FIG4: variants seen among roughly 807,000 people sequenced by gnomAD.
The protein encoded by FIG4 is polyphosphoinositide phosphatase.
In FIG4, 112 loss-of-function variants were observed where a neutral mutation model predicts 118.6. The observed-to-expected ratio is 0.94, with a 90% CI of 0.81 to 1.11. The LOEUF (loss-of-function observed/expected upper bound fraction) is 1.11. Ranked by LOEUF, FIG4 falls within the 50% of genes least tolerant of loss-of-function variation. The pLI, the probability that FIG4 is intolerant of heterozygous loss-of-function variation, is 0.00. For missense variants in FIG4, 969 were observed against 1,111.7 expected (o/e 0.87, Z 1.83); for synonymous variants, 369 against 381.2 (o/e 0.97, Z 0.37).
At chr6:109,726,613 A>G (rs543587888) in intron 3 of FIG4, among the ~76,000 whole-genome samples, 3 of 152,072 alleles carry the variant, frequency 2.0e-5, no homozygotes, top group Non-Finnish European at 4.4e-5. Context: ...TTCCATATGA[A>G]ATTTAAAGTA....
chr6:109,770,509 G>A (rs967431442), intron 15 of FIG4, among the ~76,000 whole-genome samples: 8 of 152,060 alleles, frequency 5.3e-5, no homozygotes, highest in Non-Finnish European at 8.8e-5. Flanking sequence ...TTGTTTTTGC[G>A]TTGCTATAAA....
At position 109,725,919 on chromosome 6, in the gene FIG4, A is replaced by G. The variant is rs9480997; in HGVS notation, c.290-1190A>G. On this transcript the variant is annotated intron_variant, in intron 3 of 22. Coordinates refer to ENST00000230124, the MANE Select transcript of FIG4 (RefSeq NM_014845.6). ...CTTCTTTTGAGAAGTGTCTGTTCAT[A>G]TCCTTTGCCCACTTTTTGATGGGGT... 5.6e-3 allele frequency among the ~76,000 whole-genome samples: 859 copies of G among 152,042 alleles called. 9 individuals are homozygous for G. Among genetic ancestry groups the G allele is most frequent in the African/African-American group, 0.02 (829 of 41,480 alleles).
intron 16 of FIG4, among the ~76,000 whole-genome samples, chr6:109,781,295 A>G (rs1163068424): frequency 7.2e-5 from 11 of 152,224 alleles, no homozygotes; most frequent in Admixed American, 6.5e-4. Context: ...GAGTTCATAC[A>G]CTTTCAAAAT....
At chr6:109,755,882 C>G (rs1307562598) in intron 10 of FIG4, among the ~76,000 whole-genome samples, 1 of 152,172 alleles carries the variant, frequency 6.6e-6, no homozygotes, top group Non-Finnish European at 1.5e-5. Context: ...GGTCTTTACT[C>G]TTTATCCAAT....
intron 15 of FIG4, among the ~76,000 whole-genome samples, chr6:109,774,225 C>T (rs1777554096): frequency 6.6e-6 from 1 of 152,212 alleles, no homozygotes; most frequent in Non-Finnish European, 1.5e-5. Context: ...TTTAGGGGAA[C>T]ATGATCCTTC....
At chr6:109,820,840 T>C (rs1221293726) in intron 22 of FIG4, among the ~76,000 whole-genome samples, 2 of 151,764 alleles carry the variant, frequency 1.3e-5, no homozygotes, top group East Asian at 3.9e-4. Flanking sequence ...CCCCCAAATC[T>C]AAAGAGGATG....
At position 109,699,514 on chromosome 6, in the gene FIG4, T is replaced by C. The variant is rs376871984; in HGVS notation, c.66+8013T>C. ...TTTTTGTTTGTTTTTTTTTTGTTTT[T>C]TTTTTTGAGACGGAGTCTTGCTGTG... On this transcript the variant is annotated intron_variant, in intron 1 of 22. Coordinates refer to ENST00000230124, the MANE Select transcript of FIG4 (RefSeq NM_014845.6). Among the ~76,000 whole-genome samples the C allele has an allele frequency of 4.0e-5, 6 of 151,230 alleles. No homozygotes were observed. The East Asian group carries it at 1.2e-3, about 29-fold the overall frequency.
chr6:109,778,808 C>A (rs1266902307), intron 16 of FIG4, among the ~76,000 whole-genome samples: 1 of 152,058 alleles, frequency 6.6e-6, no homozygotes, highest in Non-Finnish European at 1.5e-5. Context: ...ACTGTGTTAG[C>A]TAGGGTGGTC....
At chr6:109,815,367 A>G (rs967765896) in intron 22 of FIG4, among the ~76,000 whole-genome samples, 1 of 151,538 alleles carries the variant, frequency 6.6e-6, no homozygotes, top group African/African-American at 2.4e-5. Flanking sequence ...GGGCTCTGAC[A>G]TACTTCCTCC....
chr6:109,751,918 A>G (rs1776716501), intron 10 of FIG4, among the ~76,000 whole-genome samples: 1 of 148,920 alleles, frequency 6.7e-6, no homozygotes, highest in African/African-American at 2.5e-5. Context: ...TACATGTGCC[A>G]TGCTGGTGTG....
At chr6:109,737,623 T>G (rs954380684) in intron 6 of FIG4, among the ~76,000 whole-genome samples, 2 of 152,186 alleles carry the variant, frequency 1.3e-5, no homozygotes, top group African/African-American at 2.4e-5. Context: ...TAAGCTATTA[T>G]CTTATAAACA....
At chr6:109,776,760 C>T (rs1445722071) in intron 15 of FIG4, among the ~76,000 whole-genome samples, 162 bp from the exon 16 acceptor site, 1 of 152,106 alleles carries the variant, frequency 6.6e-6, no homozygotes, top group Non-Finnish European at 1.5e-5. Context: ...TAATTCTGCT[C>T]CAAATCTTGG....
At chr6:109,801,552 AAAT>A (rs1212304119) in intron 22 of FIG4, among the ~76,000 whole-genome samples, 1 of 152,166 alleles carries the variant, frequency 6.6e-6, no homozygotes, top group African/African-American at 2.4e-5. Flanking sequence ...CATCTCAAAA[AAAT>A]AATAATAATA....
At chr6:109,801,328 A>C (rs1179889311) in intron 22 of FIG4, among the ~76,000 whole-genome samples, 1 of 151,970 alleles carries the variant, frequency 6.6e-6, no homozygotes, top group African/African-American at 2.4e-5. Context: ...CGGGTGGATC[A>C]CCTGAGGTTA....
In FIG4 at chr6:109,752,548, G is replaced by A. The variant is rs201299320; in HGVS notation, c.1138-7702G>A. Among the ~76,000 whole-genome samples the A allele has an allele frequency of 7.6e-3, 1,154 of 152,196 alleles. 16 individuals are homozygous for A. The highest frequency in any genetic ancestry group is 0.026 in the African/African-American group (1,091 of 41,498). ...TCGCCATTCTAACTGGTGTGAGATG[G>A]TATCTCATTGTGGTTTTGATTTGCG... On this transcript the variant is annotated intron_variant, in intron 10 of 22. Coordinates refer to ENST00000230124, the MANE Select transcript of FIG4 (RefSeq NM_014845.6).
intron 22 of FIG4, among the ~76,000 whole-genome samples, chr6:109,809,562 A>G (rs1778664783): frequency 6.6e-6 from 1 of 152,178 alleles, no homozygotes; most frequent in Non-Finnish European, 1.5e-5. Flanking sequence ...TTGTTCGCAT[A>G]GGGTAGTTGA....
At chr6:109,757,081 C>T (rs1024464619) in intron 10 of FIG4, among the ~76,000 whole-genome samples, 3 of 152,010 alleles carry the variant, frequency 2.0e-5, no homozygotes, top group East Asian at 1.9e-4. Flanking sequence ...CATCTTGGCT[C>T]CTCCCCCTCT....
chr6:109,791,389 A>G lies in FIG4; in HGVS notation c.2194A>G (p.Arg732Gly). The G allele has an allele frequency of 6.2e-7, 1 of 1,612,964 alleles. No individual in the cohort carries two copies. The highest frequency in any genetic ancestry group is 1.3e-5 in the African/African-American group (1 of 75,080). The change falls in exon 20 of 23, where the codon AGA becomes GGA. Residue 732 changes from arginine (R) to glycine (G), a missense_variant. This residue lies in a region of FIG4 where 330 missense variants were observed against 348.1 expected (regional missense o/e 0.95). Coordinates refer to ENST00000230124, the MANE Select transcript of FIG4 (RefSeq NM_014845.6). ...TTCTTTTAAAAGAAACAAAAGCAAT[A>G]GAGAAGAAGCTGTATTACAGCGGAA... ...GKSVLGNKSN[R>G]EEAVLQRKTA...
chr6:109,692,062 CA>C (rs1164161446), intron 1 of FIG4, among the ~76,000 whole-genome samples: 3 of 152,088 alleles, frequency 2.0e-5, no homozygotes, highest in Non-Finnish European at 4.4e-5. Flanking sequence ...TCTTGCTTTT[CA>C]CTTGACTTTT....
Sources: allele counts gnomAD v4.1 joint callset (sites outside exome capture counted in the v4.1 genomes callset), GRCh38; gene constraint gnomAD v4.1.1; regional missense constraint gnomAD v4.1.1; transcripts MANE v1.5; gene names NCBI Gene and HGNC (gene_info 2026-07-23, HGNC 2026-07-21).